Variants in TMCO5A observed in about 807,000 individuals in gnomAD.
TMCO5A encodes the protein transmembrane and coiled-coil domains 5A.
In TMCO5A, 34 loss-of-function variants were observed where a neutral mutation model predicts 42.3. The ratio of observed to expected loss-of-function variants is 0.80; its 90% CI spans 0.61 to 1.07. The LOEUF (loss-of-function observed/expected upper bound fraction) is 1.07, where lower values mean the gene tolerates loss of function less well. Ranked by LOEUF, TMCO5A falls within the 50% of genes least tolerant of loss-of-function variation. The pLI, the probability that TMCO5A is intolerant of heterozygous loss-of-function variation, is 0.00. For missense variants in TMCO5A, 357 were observed against 327.9 expected (o/e 1.09, Z -0.69); for synonymous variants, 131 against 115.6 (o/e 1.13, Z -0.86).
At chr15:38,021,857 T>G in the TMCO5A span, among the ~76,000 whole-genome samples, 4,412 of 150,976 alleles carry the variant, frequency 0.029, 247 homozygotes, top group African/African-American at 0.1. Flanking sequence ...GTCACCAGGC[T>G]GGAGTGCAGC....
the TMCO5A span, among the ~76,000 whole-genome samples, chr15:37,978,407 G>T: frequency 6.6e-6 from 1 of 152,182 alleles, no homozygotes; most frequent in Admixed American, 6.5e-5. Context: ...GTGGGAATGC[G>T]CAGTCAGGGG....
the TMCO5A span, among the ~76,000 whole-genome samples, chr15:37,983,366 A>G: frequency 6.6e-6 from 1 of 152,002 alleles, no homozygotes; most frequent in Admixed American, 6.6e-5. Flanking sequence ...TTCTGAGTTG[A>G]AAAAAAACAG....
downstream of TMCO5A, among the ~76,000 whole-genome samples, chr15:37,970,863 A>G (rs1418202161): frequency 4.6e-5 from 7 of 152,224 alleles, no homozygotes; most frequent in Non-Finnish European, 2.9e-5. Flanking sequence ...GTGGTTTCCC[A>G]TAGTCTTGGG....
chr15:38,007,179 G>A, the TMCO5A span, among the ~76,000 whole-genome samples: 1 of 152,116 alleles, frequency 6.6e-6, no homozygotes, highest in Non-Finnish European at 1.5e-5. Flanking sequence ...ACTGACCCTT[G>A]GGCTAAAGAA....
chr15:38,030,832 T>A, the TMCO5A span, among the ~76,000 whole-genome samples: 126 of 152,322 alleles, frequency 8.3e-4, no homozygotes, highest in African/African-American at 3.0e-3. Flanking sequence ...CCTGTTTACA[T>A]GGCACCTCCT....
At chr15:37,978,263 A>G in the TMCO5A span, among the ~76,000 whole-genome samples, 2 of 152,226 alleles carry the variant, frequency 1.3e-5, no homozygotes, top group African/African-American at 2.4e-5. Context: ...CTGGAGCACA[A>G]ATAAAGCCCT....
chr15:38,038,452 T>A, the TMCO5A span, among the ~76,000 whole-genome samples: 1 of 151,654 alleles, frequency 6.6e-6, no homozygotes, highest in Non-Finnish European at 1.5e-5. Context: ...TCGCCCAGGC[T>A]GGAGTGCAGT....
At chr15:38,026,318 G>A in the TMCO5A span, among the ~76,000 whole-genome samples, 1 of 152,140 alleles carries the variant, frequency 6.6e-6, no homozygotes, top group East Asian at 1.9e-4. Flanking sequence ...GAACTTTTTG[G>A]GGACTGGATG....
At chr15:37,968,405 G>T (rs557369048), downstream of TMCO5A, among the ~76,000 whole-genome samples, 8 of 152,204 alleles carry the variant, frequency 5.3e-5, no homozygotes, top group African/African-American at 1.9e-4. Flanking sequence ...GCTCCAAGGT[G>T]CACACCTTTC....
At chr15:38,013,502 C>T in the TMCO5A span, among the ~76,000 whole-genome samples, 1 of 152,108 alleles carries the variant, frequency 6.6e-6, no homozygotes, top group African/African-American at 2.4e-5. Flanking sequence ...AATTCAATAA[C>T]AGCCACACTC....
chr15:37,954,715 C>T (rs1302036952), downstream of TMCO5A, among the ~76,000 whole-genome samples: 1 of 151,834 alleles, frequency 6.6e-6, no homozygotes, highest in East Asian at 1.9e-4. Context: ...AACAATGAAC[C>T]AATCAAAAAT....
the TMCO5A span, among the ~76,000 whole-genome samples, chr15:38,024,323 G>A: frequency 6.6e-6 from 1 of 152,202 alleles, no homozygotes; most frequent in African/African-American, 2.4e-5. Flanking sequence ...GTTCAGCTGA[G>A]TTAGAAGAGA....
the TMCO5A span, among the ~76,000 whole-genome samples, chr15:37,996,189 T>A: frequency 6.6e-6 from 1 of 152,196 alleles, no homozygotes; most frequent in Non-Finnish European, 1.5e-5. Flanking sequence ...GGCTTTTGGA[T>A]GTGTGCAATC....
the TMCO5A span, among the ~76,000 whole-genome samples, chr15:38,006,554 A>T: frequency 1.3e-5 from 2 of 152,262 alleles, no homozygotes; most frequent in Non-Finnish European, 2.9e-5. Flanking sequence ...CACAGAACAT[A>T]AGTGAACACT....
downstream of TMCO5A, among the ~76,000 whole-genome samples, chr15:37,955,254 G>GA (rs1890256289): frequency 4.7e-4 from 15 of 32,238 alleles, no homozygotes; most frequent in African/African-American, 1.3e-3. Flanking sequence ...GATTTAAAGA[G>GA]TAAAAAAAAA....
the TMCO5A span, among the ~76,000 whole-genome samples, chr15:38,006,563 C>G: frequency 6.6e-6 from 1 of 152,182 alleles, no homozygotes; most frequent in Non-Finnish European, 1.5e-5. Flanking sequence ...TAAGTGAACA[C>G]TGAGAAGCAT....
At chr15:38,004,402 T>C in the TMCO5A span, among the ~76,000 whole-genome samples, 7 of 152,140 alleles carry the variant, frequency 4.6e-5, no homozygotes, top group Non-Finnish European at 8.8e-5. Flanking sequence ...CATCTGGTCA[T>C]GTGTGCCCCA....
At chr15:38,010,513 A>G in the TMCO5A span, among the ~76,000 whole-genome samples, 15 of 151,406 alleles carry the variant, frequency 9.9e-5, no homozygotes, top group Non-Finnish European at 2.2e-4. Flanking sequence ...CCATCCACGA[A>G]GGCTACAATG....
At chr15:37,947,565 T>A in intron 10 of TMCO5A, 91 bp from the exon 11 acceptor site, 3 of 840,410 alleles carry the variant, frequency 3.6e-6, no homozygotes, top group Non-Finnish European at 5.8e-6. Context: ...GTTATCTAAA[T>A]AACATATAAC....
Sources: allele counts gnomAD v4.1 joint callset (sites outside exome capture counted in the v4.1 genomes callset), GRCh38; gene constraint gnomAD v4.1.1; transcripts MANE v1.5; gene names NCBI Gene and HGNC (gene_info 2026-07-23, HGNC 2026-07-21).